Variants in LRP1B observed in about 807,000 individuals in gnomAD.
LRP1B encodes LDL receptor related protein 1B.
LRP1B carries 217 observed loss-of-function variants against 556.6 expected under a neutral mutation model. The observed-to-expected ratio is 0.39, with a 90% CI of 0.35 to 0.44. The LOEUF is 0.44. LRP1B is among the 20% of genes least tolerant of loss of function. LRP1B has a pLI of 1.00. For synonymous variants in LRP1B, 2,047 were observed against 1,865.8 expected, an observed-to-expected ratio of 1.10 and a Z score of -2.50; for missense variants, 5,053 against 5,620.8, an observed-to-expected ratio of 0.90 and a Z score of 3.23.
intron 32 of LRP1B, among the ~76,000 whole-genome samples, chr2:140,801,063 G>A (rs1381022946): frequency 1.3e-5 from 2 of 152,018 alleles, no homozygotes; most frequent in Non-Finnish European, 2.9e-5. Context: ...TGTGTGTGTG[G>A]CCATTATTCT....
At position 140,270,352 on chromosome 2, in the gene LRP1B, AC is replaced by A. The variant is rs1682400833; in HGVS notation, c.13143-7del. 6.3e-7 allele frequency: 1 copy of A among 1,579,712 alleles called. No homozygotes were observed. Among genetic ancestry groups the A allele is most frequent in the Admixed American group, 1.7e-5 (1 of 59,674 alleles). ...CAATCTTTCCATTAGTGCAGCTGCA[AC>A]AACAAAGAAAAAAAGAACAATTTCA... On this transcript the variant is annotated splice_polypyrimidine_tract_variant and splice_region_variant and intron_variant, in intron 85 of 90. Coordinates refer to ENST00000389484, the MANE Select transcript of LRP1B (RefSeq NM_018557.3).
At chr2:141,140,964 G>A (rs1701635964) in intron 7 of LRP1B, among the ~76,000 whole-genome samples, 1 of 152,068 alleles carries the variant, frequency 6.6e-6, no homozygotes, top group African/African-American at 2.4e-5. Flanking sequence ...TAACTGTGCT[G>A]GTCCTTCGAG....
intron 27 of LRP1B, among the ~76,000 whole-genome samples, chr2:140,856,020 C>T (rs1028357799): frequency 6.6e-6 from 1 of 152,022 alleles, no homozygotes; most frequent in African/African-American, 2.4e-5. Context: ...AATTCATTTC[C>T]TCACCTTTGA....
In LRP1B at chr2:140,716,772, T is replaced by G. The variant is rs545324090; in HGVS notation, c.5803A>C (p.Ser1935Arg). 1 of 1,610,150 alleles carries G rather than the reference T, an allele frequency of 6.2e-7. No individual in the cohort carries two copies. The highest frequency in any genetic ancestry group is 1.3e-5 in the African/African-American group (1 of 74,902). The change falls in exon 36 of 91, where the codon AGC becomes CGC. Residue 1935 changes from serine (S) to arginine (R), a missense_variant. Around this residue, in one of 5 missense-constraint regions of LRP1B, gnomAD observed 3,619 missense variants for 3,931.9 expected, o/e 0.92. Coordinates refer to ENST00000389484, the MANE Select transcript of LRP1B (RefSeq NM_018557.3). ...YWTDMGFNKI[S>R]RAKRDQTWKE... ...CAAGTCTGATCTCTTTTAGCTCTGC[T>G]AATTTTATTGAAGCCCATGTCTGTC...
intron 1 of LRP1B, among the ~76,000 whole-genome samples, chr2:141,899,195 C>T (rs558215145): frequency 6.6e-6 from 1 of 152,182 alleles, no homozygotes; most frequent in Non-Finnish European, 1.5e-5. Context: ...TAATAAAAAG[C>T]TTTCATCCAG....
intron 25 of LRP1B, among the ~76,000 whole-genome samples, chr2:140,879,150 A>T (rs2105178117): frequency 6.6e-6 from 1 of 152,290 alleles, no homozygotes; most frequent in South Asian, 2.1e-4. Context: ...AAGACTTCTG[A>T]TGCATCATCT....
intron 2 of LRP1B, among the ~76,000 whole-genome samples, chr2:141,515,794 A>T (rs559754258): frequency 3.9e-5 from 6 of 152,274 alleles, no homozygotes; most frequent in Admixed American, 3.3e-4. Flanking sequence ...ATTATGGCTA[A>T]CTAAACAAAT....
chr2:141,028,461 T>G (rs1698276764), intron 11 of LRP1B, among the ~76,000 whole-genome samples: 1 of 151,836 alleles, frequency 6.6e-6, no homozygotes, highest in Admixed American at 6.6e-5. Flanking sequence ...AATCTAAAAA[T>G]TGTAATCTAA....
At chr2:141,048,865 T>C in intron 11 of LRP1B, 121 bp downstream of exon 11, 2 of 746,214 alleles carry the variant, frequency 2.7e-6, no homozygotes, top group Admixed American at 2.3e-5. Context: ...TTAAAAAATA[T>C]TTTTGAACCA....
intron 3 of LRP1B, among the ~76,000 whole-genome samples, chr2:141,285,174 T>C (rs1685659644): frequency 6.6e-6 from 1 of 150,874 alleles, no homozygotes; most frequent in African/African-American, 2.4e-5. Context: ...CTTGGCTCAC[T>C]GCACCCTCCG....
intron 1 of LRP1B, among the ~76,000 whole-genome samples, chr2:141,922,393 C>A (rs1208296397): frequency 6.6e-6 from 1 of 152,110 alleles, no homozygotes. Context: ...TTGCTTTAGC[C>A]TCCTGGCAAA....
At chr2:141,484,096 G>A (rs1683025797) in intron 2 of LRP1B, among the ~76,000 whole-genome samples, 1 of 151,972 alleles carries the variant, frequency 6.6e-6, no homozygotes, top group South Asian at 2.1e-4. Flanking sequence ...TATGGTTTTA[G>A]GTCTATCATT....
intron 20 of LRP1B, among the ~76,000 whole-genome samples, chr2:140,947,158 G>A (rs1297248182): frequency 2.0e-5 from 3 of 151,934 alleles, no homozygotes; most frequent in Admixed American, 6.6e-5. Flanking sequence ...AGTACCCCCC[G>A]AATCTATTAT....
At chr2:142,036,221 G>A (rs559215304) in intron 1 of LRP1B, among the ~76,000 whole-genome samples, 1 of 151,686 alleles carries the variant, frequency 6.6e-6, no homozygotes, top group South Asian at 2.1e-4. Flanking sequence ...TCCTCCTCAG[G>A]AACTACTTCA....
intron 12 of LRP1B, 93 bp downstream of exon 12, chr2:141,019,829 A>G (rs1209433828): frequency 9.5e-6 from 9 of 947,894 alleles, no homozygotes; most frequent in Middle Eastern, 2.8e-4. Context: ...TCAGCTATAC[A>G]TATGGATTTA....
intron 41 of LRP1B, among the ~76,000 whole-genome samples, chr2:140,662,003 AAT>A (rs1444909132): frequency 6.6e-6 from 1 of 152,126 alleles, no homozygotes; most frequent in African/African-American, 2.4e-5. Context: ...TTTAAACTCA[AAT>A]ATCGTGTTAA....
At chr2:140,782,083 GA>G (rs1689719957) in intron 32 of LRP1B, among the ~76,000 whole-genome samples, 1 of 152,040 alleles carries the variant, frequency 6.6e-6, no homozygotes, top group African/African-American at 2.4e-5. Context: ...CACTGTTATT[GA>G]CATGAAGATG....
In LRP1B at chr2:140,923,107, C is replaced by G; in HGVS notation, c.3177G>C (p.Gln1059His). 1 of 1,612,188 alleles carries G rather than the reference C, an allele frequency of 6.2e-7. No homozygotes were observed. ...GAACGCAATTACCATCAGGGTGGCA[C>G]TGAAATTCATTTCCGTTACAACCAG... ...SPAGCNGNEF[Q>H]CHPDGNCVPD... Residue 1059 changes from glutamine to histidine, a missense_variant, in exon 21 of 91, where the codon CAG (glutamine) becomes CAC (histidine). By Grantham distance (24) the Gln-to-His change is conservative (BLOSUM62 0). This residue lies in a region of LRP1B where 3,619 missense variants were observed against 3,931.9 expected (regional missense o/e 0.92). Transcript: ENST00000389484.
At chr2:141,919,973 C>A (rs750339427) in intron 1 of LRP1B, among the ~76,000 whole-genome samples, 3 of 151,978 alleles carry the variant, frequency 2.0e-5, no homozygotes, top group Non-Finnish European at 2.9e-5. Context: ...TCACTAATCT[C>A]TAACTGGTAT....
Sources: gnomAD v4.1 joint callset for allele counts (sites outside exome capture counted in the v4.1 genomes callset) on GRCh38, gnomAD v4.1.1 for gene constraint, gnomAD v4.1.1 regional missense constraint, MANE v1.5 for transcripts, NCBI Gene and HGNC (gene_info 2026-07-23, HGNC 2026-07-21) for gene names.